Variants in RPS6KC1 observed in about 807,000 individuals in gnomAD.
RPS6KC1 encodes the protein ribosomal protein S6 kinase C1, also known as inactive ribosomal protein S6 kinase delta-1.
Under a neutral mutation model 103.8 loss-of-function variants are expected in RPS6KC1, and 54 were observed. The observed-to-expected ratio is 0.52, with a 90% CI of 0.42 to 0.65. The LOEUF is 0.65. RPS6KC1 is among the 30% of genes least tolerant of loss of function. The pLI, the probability that RPS6KC1 is intolerant of heterozygous loss-of-function variation, is 0.00. For missense variants in RPS6KC1, 1,151 were observed against 1,253.8 expected, an observed-to-expected ratio of 0.92 and a Z score of 1.24; for synonymous variants, 439 against 438.7, an observed-to-expected ratio of 1.00 and a Z score of -0.01.
the RPS6KC1 span, among the ~76,000 whole-genome samples, chr1:213,542,645 G>C: frequency 6.6e-6 from 1 of 152,208 alleles, no homozygotes; most frequent in African/African-American, 2.4e-5. Flanking sequence ...TATAACTTAA[G>C]AGTCCCTTAC....
the RPS6KC1 span, among the ~76,000 whole-genome samples, chr1:213,788,873 T>G: frequency 2.7e-5 from 4 of 148,990 alleles, no homozygotes; most frequent in Non-Finnish European, 4.4e-5. Flanking sequence ...ATATAAGACA[T>G]AGCGACTAAT....
chr1:213,804,147 T>C, the RPS6KC1 span, among the ~76,000 whole-genome samples: 1 of 32,622 alleles, frequency 3.1e-5, no homozygotes, highest in African/African-American at 7.8e-5. Flanking sequence ...AAGTCAAACA[T>C]AAAAAAAAAA....
At chr1:213,319,927 A>C in the RPS6KC1 span, among the ~76,000 whole-genome samples, 1,103 of 152,318 alleles carry the variant, frequency 7.2e-3, 6 homozygotes, top group Non-Finnish European at 0.01. Context: ...GTATAGCCAA[A>C]GGTCCTTCTT....
At chr1:213,719,545 A>C in the RPS6KC1 span, among the ~76,000 whole-genome samples, 1 of 125,874 alleles carries the variant, frequency 7.9e-6, no homozygotes. Flanking sequence ...TTTTATTAAC[A>C]TTTCTTAGTT....
chr1:213,785,371 C>T, the RPS6KC1 span, among the ~76,000 whole-genome samples: 6 of 151,868 alleles, frequency 4.0e-5, no homozygotes, highest in Admixed American at 2.6e-4. Context: ...TGGAGATGTC[C>T]GTGGATCTGT....
chr1:213,092,800 CATACCT>C (rs1431969064), intron 3 of RPS6KC1, among the ~76,000 whole-genome samples: 1 of 151,996 alleles, frequency 6.6e-6, no homozygotes, highest in Admixed American at 6.6e-5. Context: ...ATATATGAAT[CATACCT>C]ATACACATTT....
the RPS6KC1 span, among the ~76,000 whole-genome samples, chr1:213,828,842 T>C: frequency 1.3e-5 from 2 of 152,216 alleles, no homozygotes; most frequent in African/African-American, 2.4e-5. Context: ...AAAGAAAACT[T>C]ATTACCTAGT....
At chr1:213,068,657 T>G (rs1161029945) in intron 1 of RPS6KC1, among the ~76,000 whole-genome samples, 1 of 152,026 alleles carries the variant, frequency 6.6e-6, no homozygotes, top group East Asian at 1.9e-4. Flanking sequence ...TGTTATAGTC[T>G]CTTATACTGA....
At chr1:213,505,212 G>C in the RPS6KC1 span, among the ~76,000 whole-genome samples, 3 of 152,098 alleles carry the variant, frequency 2.0e-5, no homozygotes, top group African/African-American at 7.2e-5. Context: ...TCCAGCTATA[G>C]TCAGGCTCTT....
At chr1:213,056,759 G>A (rs1007346496) in intron 1 of RPS6KC1, among the ~76,000 whole-genome samples, 6 of 151,210 alleles carry the variant, frequency 4.0e-5, no homozygotes, top group African/African-American at 1.5e-4. Context: ...ATATCTCTCT[G>A]TTAGATGCTA....
the RPS6KC1 span, among the ~76,000 whole-genome samples, chr1:213,356,512 G>A: frequency 2.6e-5 from 4 of 152,036 alleles, no homozygotes; most frequent in East Asian, 1.9e-4. Flanking sequence ...AAAAATTAGC[G>A]GGGCGTGATA....
At chr1:213,807,945 T>C in the RPS6KC1 span, among the ~76,000 whole-genome samples, 5 of 152,232 alleles carry the variant, frequency 3.3e-5, no homozygotes, top group African/African-American at 1.2e-4. Context: ...GATGTACAGA[T>C]GGCTTTTTAG....
At chr1:213,489,668 CAG>C in the RPS6KC1 span, among the ~76,000 whole-genome samples, 1 of 152,172 alleles carries the variant, frequency 6.6e-6, no homozygotes, top group Non-Finnish European at 1.5e-5. Flanking sequence ...AGTGGCAACT[CAG>C]GGAGGCAGGG....
rs1043540064 is a variant in RPS6KC1, at chr1:213,217,933, C to A, written c.1045-12564C>A. 5.9e-5 allele frequency among the ~76,000 whole-genome samples: 9 copies of A among 152,004 alleles called. No individual in the cohort carries two copies. In the East Asian group the frequency reaches 1.2e-3, roughly 20 times the overall value. ...CCAATATCATACTGAATGGGCAAAACCTGGAAGCATTCCCTTTGAAAACTG... is the reference window on the plus strand; with the variant it reads ...CCAATATCATACTGAATGGGCAAAAACTGGAAGCATTCCCTTTGAAAACTG... On this transcript the variant is annotated intron_variant, in intron 8 of 14. Coordinates refer to ENST00000366960, the MANE Select transcript of RPS6KC1 (RefSeq NM_012424.6).
chr1:213,751,485 A>G, the RPS6KC1 span, among the ~76,000 whole-genome samples: 5 of 152,162 alleles, frequency 3.3e-5, no homozygotes, highest in Admixed American at 2.6e-4. Flanking sequence ...TGTCACTCCT[A>G]TCTCCCAATT....
the RPS6KC1 span, among the ~76,000 whole-genome samples, chr1:213,681,779 C>T: frequency 6.6e-6 from 1 of 152,010 alleles, no homozygotes; most frequent in South Asian, 2.1e-4. Context: ...GCCTGGGTGA[C>T]AGAGTGAGAC....
At chr1:213,793,569 C>T in the RPS6KC1 span, among the ~76,000 whole-genome samples, 1 of 152,060 alleles carries the variant, frequency 6.6e-6, no homozygotes, top group Non-Finnish European at 1.5e-5. Flanking sequence ...CCGAGCTGCC[C>T]ATAACGGCCT....
chr1:213,106,278 C>CA (rs917411412), intron 4 of RPS6KC1, among the ~76,000 whole-genome samples: 34 of 149,188 alleles, frequency 2.3e-4, no homozygotes, highest in African/African-American at 3.7e-4. Context: ...TTAGCTTGAA[C>CA]AAAAAAAAAG....
the RPS6KC1 span, among the ~76,000 whole-genome samples, chr1:213,628,367 A>AT: frequency 2.0e-5 from 3 of 152,214 alleles, no homozygotes; most frequent in East Asian, 5.8e-4. Flanking sequence ...CTTTTCAAAA[A>AT]ACCAGCTCCT....
Sources: allele counts gnomAD v4.1 joint callset (sites outside exome capture counted in the v4.1 genomes callset), GRCh38; gene constraint gnomAD v4.1.1; transcripts MANE v1.5; gene names NCBI Gene and HGNC (gene_info 2026-07-23, HGNC 2026-07-21).